Variants in FBXL20 observed in about 807,000 individuals in gnomAD.
The protein encoded by FBXL20 is F-box/LRR-repeat protein 20.
In FBXL20, 11 loss-of-function variants were observed where a neutral mutation model predicts 64.0. The ratio of observed to expected loss-of-function variants is 0.17; its 90% CI spans 0.11 to 0.28. The LOEUF (loss-of-function observed/expected upper bound fraction) is 0.28, where lower values mean the gene tolerates loss of function less well. Among genes scored for constraint, FBXL20 ranks in the 10% least tolerant of loss-of-function variants. The probability of loss-of-function intolerance (pLI) is 1.00; values close to 1 mark genes in which losing one functional copy is unlikely to be tolerated. For synonymous variants in FBXL20, 184 were observed against 189.0 expected, an observed-to-expected ratio of 0.97 and a Z score of 0.22; for missense variants, 303 against 526.2, an observed-to-expected ratio of 0.58 and a Z score of 4.15.
intron 12 of FBXL20, among the ~76,000 whole-genome samples, chr17:39,267,089 CTAAAA>C (rs766419330): frequency 2.6e-5 from 4 of 151,792 alleles, no homozygotes; most frequent in Non-Finnish European, 5.9e-5. Context: ...CCTGTCTCTA[CTAAAA>C]TACAAAAACT....
chr17:39,343,635 G>A lies in FBXL20; in HGVS notation c.43-394C>T, dbSNP rs542757314. On this transcript the variant is annotated intron_variant, in intron 1 of 14. Coordinates refer to ENST00000264658, the MANE Select transcript of FBXL20 (RefSeq NM_032875.3). ...TAATTCCAGCACTTTCAGAGGCTGA[G>A]GCAAGCGGATCGCTTGAGCTCAGGA... 1.2e-4 allele frequency among the ~76,000 whole-genome samples: 19 copies of A among 152,122 alleles called. No homozygotes were observed. The South Asian group carries it at 3.7e-3, about 30-fold the overall frequency.
intron 1 of FBXL20, among the ~76,000 whole-genome samples, chr17:39,364,336 G>C (rs1437810708): frequency 6.6e-6 from 1 of 152,184 alleles, no homozygotes; most frequent in Non-Finnish European, 1.5e-5. Flanking sequence ...GGTGGGGCTG[G>C]GTGCAGTGGC....
At chr17:39,386,045 A>C (rs1277324734) in intron 1 of FBXL20, among the ~76,000 whole-genome samples, 6 of 147,766 alleles carry the variant, frequency 4.1e-5, no homozygotes, top group Admixed American at 3.4e-4. Flanking sequence ...AAAAAAAAAA[A>C]CACCAACTAA....
intron 9 of FBXL20, among the ~76,000 whole-genome samples, chr17:39,278,328 T>G (rs866088698): frequency 7.9e-5 from 12 of 152,098 alleles, no homozygotes; most frequent in Middle Eastern, 3.4e-3. Context: ...GTATTTTTAG[T>G]AGAGATGGGG....
chr17:39,273,853 T>C (rs1223188830), intron 10 of FBXL20, among the ~76,000 whole-genome samples: 2 of 149,962 alleles, frequency 1.3e-5, no homozygotes, highest in Non-Finnish European at 3.0e-5. Flanking sequence ...ATAGTGCTTA[T>C]ATGGTGCTAT....
At chr17:39,338,808 A>C (rs2047554138) in intron 2 of FBXL20, among the ~76,000 whole-genome samples, 1 of 152,198 alleles carries the variant, frequency 6.6e-6, no homozygotes. Flanking sequence ...TTATGAGAAA[A>C]CAAGAGTAAA....
intron 1 of FBXL20, among the ~76,000 whole-genome samples, chr17:39,375,550 A>T (rs757669375): frequency 6.6e-6 from 1 of 152,192 alleles, no homozygotes; most frequent in Non-Finnish European, 1.5e-5. Context: ...AATGTTCCCA[A>T]CACATAGAAA....
chr17:39,294,631 T>A (rs555813217), intron 6 of FBXL20, among the ~76,000 whole-genome samples: 144 of 152,320 alleles, frequency 9.5e-4, no homozygotes, highest in Non-Finnish European at 1.8e-3. Flanking sequence ...AGTGTATTTT[T>A]AAATTCACTA....
intron 1 of FBXL20, among the ~76,000 whole-genome samples, chr17:39,347,473 C>T (rs568009925): frequency 2.6e-5 from 4 of 152,302 alleles, no homozygotes; most frequent in African/African-American, 7.2e-5. Context: ...TGTCTGTTGG[C>T]TGCATAAATG....
chr17:39,368,767 T>C (rs572785894), intron 1 of FBXL20, among the ~76,000 whole-genome samples: 3 of 152,212 alleles, frequency 2.0e-5, no homozygotes, highest in African/African-American at 7.2e-5. Flanking sequence ...GCTATTCTCC[T>C]GCCTCAGCCT....
intron 1 of FBXL20, among the ~76,000 whole-genome samples, chr17:39,361,596 G>GAC: frequency 6.6e-6 from 1 of 152,150 alleles, no homozygotes; most frequent in East Asian, 1.9e-4. Context: ...AGGAGATCGA[G>GAC]ACCATCCTGG....
chr17:39,291,785 G>A (rs1055953524), intron 6 of FBXL20, among the ~76,000 whole-genome samples: 3 of 152,044 alleles, frequency 2.0e-5, no homozygotes, highest in African/African-American at 7.2e-5. Flanking sequence ...TTTGCTCTAA[G>A]CAATACCTTA....
upstream of FBXL20, chr17:39,402,147 C>T: frequency 8.1e-7 from 1 of 1,233,324 alleles, no homozygotes; most frequent in Non-Finnish European, 1.0e-6. Context: ...TTCCCGGCCA[C>T]CCAGCTCCCT....
At chr17:39,337,120 G>C (rs1000371482) in intron 2 of FBXL20, among the ~76,000 whole-genome samples, 4 of 152,022 alleles carry the variant, frequency 2.6e-5, no homozygotes, top group Non-Finnish European at 5.9e-5. Context: ...CGAGTGCCTG[G>C]GATTGCAGGC....
chr17:39,393,012 G>A (rs988341562), intron 1 of FBXL20, among the ~76,000 whole-genome samples: 3 of 151,246 alleles, frequency 2.0e-5, no homozygotes, highest in South Asian at 2.1e-4. Context: ...AAAATAGGCC[G>A]GCACGGTGGC....
chr17:39,330,022 G>A (rs138158896), intron 2 of FBXL20, among the ~76,000 whole-genome samples: 3 of 152,086 alleles, frequency 2.0e-5, no homozygotes. Context: ...GATGGGCGCG[G>A]TGGCTCATAC....
chr17:39,307,044 A>AG (rs974234455), intron 2 of FBXL20, among the ~76,000 whole-genome samples: 45 of 152,326 alleles, frequency 3.0e-4, no homozygotes, highest in African/African-American at 9.9e-4. Flanking sequence ...TGGATACAAA[A>AG]GGGGGAAACA....
intron 1 of FBXL20, among the ~76,000 whole-genome samples, chr17:39,355,207 C>T (rs1047914166): frequency 6.6e-6 from 1 of 152,078 alleles, no homozygotes; most frequent in Admixed American, 6.5e-5. Flanking sequence ...GCTGGGATTA[C>T]AGGTGTGAGC....
intron 12 of FBXL20, among the ~76,000 whole-genome samples, chr17:39,265,946 T>C (rs2046787489): frequency 1.3e-5 from 2 of 152,098 alleles, no homozygotes; most frequent in Admixed American, 1.3e-4. Flanking sequence ...AGGGTCTTGT[T>C]ATGTTACCCA....
Sources: gnomAD v4.1 joint callset for allele counts (sites outside exome capture counted in the v4.1 genomes callset) on GRCh38, gnomAD v4.1.1 for gene constraint, MANE v1.5 for transcripts, NCBI Gene and HGNC (gene_info 2026-07-23, HGNC 2026-07-21) for gene names.